TMEM132D: variants seen among roughly 807,000 people sequenced by gnomAD.
The protein encoded by TMEM132D is transmembrane protein 132D.
Under a neutral mutation model 62.3 loss-of-function variants are expected in TMEM132D, and 21 were observed. The ratio of observed to expected loss-of-function variants is 0.34; its 90% CI spans 0.24 to 0.49. TMEM132D has a LOEUF of 0.49. Among genes scored for constraint, TMEM132D ranks in the 20% least tolerant of loss-of-function variants. TMEM132D has a pLI of 0.99. For synonymous variants in TMEM132D, 621 were observed against 575.6 expected, an observed-to-expected ratio of 1.08 and a Z score of -1.13; for missense variants, 1,346 against 1,402.8, an observed-to-expected ratio of 0.96 and a Z score of 0.65.
At chr12:129,678,863 A>G (rs1394598925) in intron 2 of TMEM132D, among the ~76,000 whole-genome samples, 1 of 152,022 alleles carries the variant, frequency 6.6e-6, no homozygotes, top group African/African-American at 2.4e-5. Context: ...CTCTAGTGTC[A>G]TTTTTGAAAA....
At chr12:129,347,358 G>A (rs544975685) in intron 3 of TMEM132D, among the ~76,000 whole-genome samples, 3 of 152,246 alleles carry the variant, frequency 2.0e-5, no homozygotes, top group Admixed American at 2.0e-4. Context: ...TACCAAAACA[G>A]ATATAGAGAC....
intron 1 of TMEM132D, among the ~76,000 whole-genome samples, chr12:129,776,334 C>T (rs1314951810): frequency 6.6e-6 from 1 of 151,972 alleles, no homozygotes; most frequent in Non-Finnish European, 1.5e-5. Context: ...GTTCTAAGGC[C>T]GACTGCTGAA....
intron 2 of TMEM132D, among the ~76,000 whole-genome samples, chr12:129,652,438 G>A (rs993807190): frequency 2.6e-5 from 4 of 152,180 alleles, no homozygotes; most frequent in African/African-American, 9.7e-5. Context: ...GGTTGAAGAA[G>A]GAATTGAGGT....
chr12:129,870,401 G>A (rs562569114), intron 1 of TMEM132D, among the ~76,000 whole-genome samples: 1 of 152,274 alleles, frequency 6.6e-6, no homozygotes, highest in Admixed American at 6.5e-5. Flanking sequence ...CCAAACCCCT[G>A]AGGAAGGCCA....
intron 2 of TMEM132D, among the ~76,000 whole-genome samples, chr12:129,540,317 GGACAGGGACACCA>G (rs1352709701): frequency 6.6e-6 from 1 of 152,064 alleles, no homozygotes; most frequent in East Asian, 1.9e-4. Flanking sequence ...CCAGTGCGAT[GGACAGGGACACCA>G]GCTGTTAGAG....
intron 3 of TMEM132D, among the ~76,000 whole-genome samples, chr12:129,412,156 T>A (rs908438884): frequency 2.7e-5 from 4 of 149,718 alleles, no homozygotes; most frequent in East Asian, 2.0e-4. Flanking sequence ...CAAATTTATT[T>A]AAAAAAAAAA....
chr12:129,251,377 A>G (rs1354428467), intron 4 of TMEM132D, among the ~76,000 whole-genome samples: 1 of 150,768 alleles, frequency 6.6e-6, no homozygotes, highest in East Asian at 2.0e-4. Context: ...AAAAAAAAAA[A>G]AAAAAAGAAG....
At chr12:129,703,530 C>T (rs145495141) in intron 1 of TMEM132D, among the ~76,000 whole-genome samples, 25 of 150,760 alleles carry the variant, frequency 1.7e-4, no homozygotes, top group Middle Eastern at 3.4e-3. Flanking sequence ...ACAGAATGAA[C>T]GAAGTAAAAC....
At chr12:129,149,280 G>A (rs1039675301) in intron 5 of TMEM132D, among the ~76,000 whole-genome samples, 92 of 152,136 alleles carry the variant, frequency 6.0e-4, no homozygotes, top group African/African-American at 2.1e-3. Context: ...TAATGCATTC[G>A]GGGCTTAAAA....
intron 3 of TMEM132D, among the ~76,000 whole-genome samples, chr12:129,512,008 T>G (rs1271300030): frequency 1.3e-5 from 2 of 152,236 alleles, no homozygotes; most frequent in Non-Finnish European, 2.9e-5. Context: ...CCCACTTGCA[T>G]GTAAGCTCTA....
chr12:129,363,762 T>G (rs756503211), intron 3 of TMEM132D, among the ~76,000 whole-genome samples: 44 of 152,352 alleles, frequency 2.9e-4, no homozygotes, highest in Non-Finnish European at 5.3e-4. Context: ...TAATAGAATG[T>G]CAATTAATTT....
intron 3 of TMEM132D, among the ~76,000 whole-genome samples, chr12:129,530,848 C>T (rs1157250703): frequency 6.6e-6 from 1 of 152,102 alleles, no homozygotes; most frequent in East Asian, 1.9e-4. Context: ...CGGTGCTCTG[C>T]TGGGGTTTTA....
chr12:129,105,659 T>C (rs1388218569), intron 5 of TMEM132D, among the ~76,000 whole-genome samples: 1 of 149,360 alleles, frequency 6.7e-6, no homozygotes, highest in Non-Finnish European at 1.5e-5. Context: ...AAAAAACACA[T>C]GAAAAAATTC....
At chr12:129,588,595 G>C (rs1207946601) in intron 2 of TMEM132D, among the ~76,000 whole-genome samples, 1 of 151,804 alleles carries the variant, frequency 6.6e-6, no homozygotes, top group African/African-American at 2.4e-5. Flanking sequence ...TATTGTTTTT[G>C]AGACAGTCTT....
chr12:129,791,208 G>A lies in TMEM132D; in HGVS notation c.80-90510C>T, dbSNP rs150369238. 1.2e-4 allele frequency among the ~76,000 whole-genome samples: 19 copies of A among 152,248 alleles called. 1 individual carries two copies. The East Asian group carries it at 3.5e-3, about 28-fold the overall frequency. On this transcript the variant is annotated intron_variant, in intron 1 of 8. Transcript: ENST00000422113. ...GGCAGACAAGAGGAGGAAATCAGCA[G>A]GTCCTATCTCATTAGAATCACAAAA...
intron 3 of TMEM132D, among the ~76,000 whole-genome samples, chr12:129,375,438 C>A (rs1427850220): frequency 9.9e-5 from 15 of 152,146 alleles, no homozygotes. Context: ...TGGAGTCCCA[C>A]CCTGAATAGA....
At chr12:129,336,748 G>T (rs1333279411) in intron 4 of TMEM132D, among the ~76,000 whole-genome samples, 1 of 152,168 alleles carries the variant, frequency 6.6e-6, no homozygotes, top group African/African-American at 2.4e-5. Flanking sequence ...GGCCACCAGA[G>T]GCAGGAGAAA....
chr12:129,685,470 G>C lies in TMEM132D; in HGVS notation c.968+14340C>G, dbSNP rs142474470. Among the ~76,000 whole-genome samples the C allele has an allele frequency of 2.4e-3, 372 of 152,316 alleles. 4 individuals carry two copies. Among genetic ancestry groups the C allele is most frequent in the African/African-American group, 8.6e-3 (356 of 41,568 alleles). On this transcript the variant is annotated intron_variant, in intron 2 of 8. Transcript: ENST00000422113. The stretch of plus-strand genomic sequence containing the variant: ...TGCAGGTGCACAGAAGTCAAGAATT[G>C]AGGTTTGGGAACCTCTGCCTAGATT...
chr12:129,578,041 T>TTC (rs139936185), intron 2 of TMEM132D, among the ~76,000 whole-genome samples: 2 of 151,654 alleles, frequency 1.3e-5, no homozygotes, highest in Admixed American at 6.6e-5. Context: ...AGGGTCCATT[T>TTC]TCTCTCTCTC....
Sources: allele counts gnomAD v4.1 joint callset (sites outside exome capture counted in the v4.1 genomes callset), GRCh38; gene constraint gnomAD v4.1.1; transcripts MANE v1.5; gene names NCBI Gene and HGNC (gene_info 2026-07-23, HGNC 2026-07-21).